PTPRD: variants seen among roughly 807,000 people sequenced by gnomAD.
PTPRD encodes receptor-type tyrosine-protein phosphatase delta.
PTPRD carries 34 observed loss-of-function variants against 214.5 expected under a neutral mutation model. That is an observed-to-expected ratio of 0.16 (90% CI 0.12 to 0.21). The LOEUF (loss-of-function observed/expected upper bound fraction) is 0.21. Among genes scored for constraint, PTPRD ranks in the 10% least tolerant of loss-of-function variants. The probability of loss-of-function intolerance (pLI) is 1.00; values close to 1 mark genes in which losing one functional copy is unlikely to be tolerated. For missense variants in PTPRD, 2,545 were observed against 2,398.7 expected (o/e 1.06, Z -1.27); for synonymous variants, 1,128 against 845.7 (o/e 1.33, Z -5.79).
intron 12 of PTPRD, among the ~76,000 whole-genome samples, chr9:8,670,061 T>A (rs1421430596): frequency 1.3e-5 from 2 of 151,690 alleles, no homozygotes; most frequent in African/African-American, 4.8e-5. Context: ...AGTGAGTAAA[T>A]TATCAAAAAT....
chr9:9,047,880 TG>T (rs2099676069), intron 10 of PTPRD, among the ~76,000 whole-genome samples: 1 of 152,014 alleles, frequency 6.6e-6, no homozygotes, highest in Admixed American at 6.6e-5. Flanking sequence ...ATGGACAAAT[TG>T]GATCACCTCA....
chr9:8,856,550 T>C lies in PTPRD; in HGVS notation c.-103-122604A>G, dbSNP rs539890142. 1.1e-4 allele frequency among the ~76,000 whole-genome samples: 16 copies of C among 152,146 alleles called. No homozygotes were observed. The South Asian group carries it at 2.3e-3, about 22-fold the overall frequency. ...GTCTTTGCACATGTAAATATATATATATAACTTTAAGAGGAAATACAAGGA... is the reference window on the plus strand; with the variant it reads ...GTCTTTGCACATGTAAATATATATACATAACTTTAAGAGGAAATACAAGGA... On this transcript the variant is annotated intron_variant, in intron 11 of 45. Coordinates refer to ENST00000381196, the MANE Select transcript of PTPRD (RefSeq NM_002839.4).
intron 11 of PTPRD, among the ~76,000 whole-genome samples, chr9:8,938,699 A>G (rs748014401): frequency 2.0e-5 from 3 of 151,904 alleles, no homozygotes; most frequent in Non-Finnish European, 4.4e-5. Flanking sequence ...CAAAGGGTCC[A>G]CTAAGAGGCC....
intron 5 of PTPRD, among the ~76,000 whole-genome samples, chr9:9,804,923 A>G (rs1456024610): frequency 6.6e-6 from 1 of 151,926 alleles, no homozygotes; most frequent in Admixed American, 6.6e-5. Flanking sequence ...GATTGTTCTA[A>G]AGGTGAAAAT....
chr9:9,939,796 G>A (rs1434191102), intron 4 of PTPRD, among the ~76,000 whole-genome samples: 3 of 152,096 alleles, frequency 2.0e-5, no homozygotes, highest in South Asian at 2.1e-4. Flanking sequence ...TATGCAGTAC[G>A]ATGTGAAGGG....
intron 17 of PTPRD, among the ~76,000 whole-genome samples, chr9:8,525,386 G>GGTTTT (rs1372423529): frequency 6.6e-6 from 1 of 151,882 alleles, no homozygotes; most frequent in Non-Finnish European, 1.5e-5. Context: ...ATTAATTTTT[G>GGTTTT]GTTTTGTTTT....
At chr9:9,899,443 A>T (rs559103281) in intron 5 of PTPRD, among the ~76,000 whole-genome samples, 3 of 152,056 alleles carry the variant, frequency 2.0e-5, no homozygotes, top group African/African-American at 7.2e-5. Flanking sequence ...CTAAGTATAT[A>T]AAAAAAGTTC....
chr9:9,771,513 CATT>C (rs2098751559), intron 5 of PTPRD, among the ~76,000 whole-genome samples: 1 of 152,154 alleles, frequency 6.6e-6, no homozygotes, highest in African/African-American at 2.4e-5. Context: ...TCAGTTGTAT[CATT>C]GTTTCCCTGT....
intron 12 of PTPRD, among the ~76,000 whole-genome samples, chr9:8,731,116 AT>A (rs2098653307): frequency 6.6e-6 from 1 of 152,202 alleles, no homozygotes; most frequent in African/African-American, 2.4e-5. Flanking sequence ...CTCCTCCTTA[AT>A]GCAACATCAC....
At chr9:8,503,300 C>A (rs1052953298) in intron 23 of PTPRD, among the ~76,000 whole-genome samples, 1 of 152,032 alleles carries the variant, frequency 6.6e-6, no homozygotes, top group African/African-American at 2.4e-5. Flanking sequence ...ATGAGGTTAA[C>A]AGAGCATCTT....
intron 11 of PTPRD, among the ~76,000 whole-genome samples, chr9:8,777,388 G>A (rs1456629579): frequency 6.6e-6 from 1 of 152,074 alleles, no homozygotes; most frequent in Non-Finnish European, 1.5e-5. Context: ...AAAGAAAAAT[G>A]ACATCAATGT....
intron 4 of PTPRD, among the ~76,000 whole-genome samples, chr9:9,945,737 C>G (rs952534335): frequency 2.6e-5 from 4 of 152,054 alleles, no homozygotes; most frequent in Admixed American, 1.3e-4. Flanking sequence ...ATAAATAGAA[C>G]ACTTCTGAAA....
intron 11 of PTPRD, among the ~76,000 whole-genome samples, chr9:8,803,301 T>C (rs2096608502): frequency 6.6e-6 from 1 of 152,124 alleles, no homozygotes; most frequent in Non-Finnish European, 1.5e-5. Context: ...TAATAATGTA[T>C]ACCATAATTA....
At chr9:10,378,964 C>T (rs2097774711) in intron 2 of PTPRD, among the ~76,000 whole-genome samples, 1 of 151,918 alleles carries the variant, frequency 6.6e-6, no homozygotes, top group Admixed American at 6.6e-5. Flanking sequence ...AATAGCTCTC[C>T]ATTTTTTGGT....
chr9:10,291,019 G>A (rs1178907359), intron 3 of PTPRD, among the ~76,000 whole-genome samples: 2 of 146,468 alleles, frequency 1.4e-5, no homozygotes, highest in African/African-American at 5.0e-5. Flanking sequence ...ATTGTTTAGA[G>A]AATCTACACT....
chr9:8,929,209 G>A (rs919930943), intron 11 of PTPRD, among the ~76,000 whole-genome samples: 3 of 152,122 alleles, frequency 2.0e-5, no homozygotes, highest in Non-Finnish European at 4.4e-5. Context: ...GCCCTGGCCA[G>A]AACTTCCAAC....
intron 39 of PTPRD, among the ~76,000 whole-genome samples, chr9:8,367,308 T>C (rs559346423): frequency 4.6e-5 from 7 of 152,196 alleles, no homozygotes; most frequent in Admixed American, 6.5e-5. Context: ...ATTAGTTTTA[T>C]TACCATAAGC....
At chr9:10,585,589 A>G (rs2073626940) in intron 2 of PTPRD, among the ~76,000 whole-genome samples, 1 of 152,102 alleles carries the variant, frequency 6.6e-6, no homozygotes, top group Admixed American at 6.6e-5. Context: ...AATATACTGA[A>G]CCTAAAATAT....
chr9:10,332,269 T>TA (rs1303962967), intron 3 of PTPRD, among the ~76,000 whole-genome samples: 3 of 151,842 alleles, frequency 2.0e-5, no homozygotes, highest in African/African-American at 7.2e-5. Flanking sequence ...TCAGGAGTCT[T>TA]AAAATGTTTC....
Sources: allele counts gnomAD v4.1 joint callset (sites outside exome capture counted in the v4.1 genomes callset), GRCh38; gene constraint gnomAD v4.1.1; transcripts MANE v1.5; gene names NCBI Gene and HGNC (gene_info 2026-07-23, HGNC 2026-07-21).